Variants in LRFN5 observed in about 807,000 individuals in gnomAD.
LRFN5 encodes leucine rich repeat and fibronectin type III domain containing 5, also known as leucine-rich repeat and fibronectin type-III domain-containing protein 5.
A neutral mutation model predicts 45.6 loss-of-function variants in LRFN5; 24 were observed. The ratio of observed to expected loss-of-function variants is 0.53; its 90% confidence interval spans 0.38 to 0.74. LRFN5 has a LOEUF of 0.74. LRFN5 is among the 30% of genes least tolerant of loss of function. The pLI, the probability that LRFN5 is intolerant of heterozygous loss-of-function variation, is 0.00. For synonymous variants in LRFN5, 340 were observed against 313.8 expected, an observed-to-expected ratio of 1.08 and a Z score of -0.88; for missense variants, 776 against 861.5, an observed-to-expected ratio of 0.90 and a Z score of 1.24.
At chr14:41,856,672 A>ATTTTTTTTTT (rs1889465921) in intron 2 of LRFN5, among the ~76,000 whole-genome samples, 4 of 5,976 alleles carry the variant, frequency 6.7e-4, no homozygotes, top group Admixed American at 2.6e-3. Context: ...TATTATTATT[A>ATTTTTTTTTT]TTATTTTTTT....
chr14:41,692,566 T>C (rs1225415096), intron 1 of LRFN5, among the ~76,000 whole-genome samples: 1 of 152,096 alleles, frequency 6.6e-6, no homozygotes, highest in East Asian at 1.9e-4. Flanking sequence ...CCCTCCTAAC[T>C]TCCCCCACAC....
At chr14:41,612,227 A>G (rs1396317046) in intron 1 of LRFN5, among the ~76,000 whole-genome samples, 2 of 152,120 alleles carry the variant, frequency 1.3e-5, no homozygotes, top group African/African-American at 4.8e-5. Flanking sequence ...TTCTGCCTCT[A>G]CATGAAACTA....
chr14:41,894,871 A>G, intron 4 of LRFN5: 1 of 982,958 alleles, frequency 1.0e-6, no homozygotes, highest in Non-Finnish European at 1.2e-6. Flanking sequence ...GCTTTCTGTC[A>G]TTTATTATTT....
chr14:41,856,707 C>A (rs1288484081), intron 2 of LRFN5, among the ~76,000 whole-genome samples: 1 of 12,324 alleles, frequency 8.1e-5, no homozygotes, highest in Non-Finnish European at 2.2e-4. Context: ...GACGGAGTCT[C>A]GTTCTGTCGC....
chr14:41,896,199 A>G (rs918770836), intron 4 of LRFN5, among the ~76,000 whole-genome samples: 1 of 152,224 alleles, frequency 6.6e-6, no homozygotes, highest in Admixed American at 6.5e-5. Flanking sequence ...CCATAAATAT[A>G]AAGTATCATC....
At chr14:41,758,025 GC>G (rs950851254) in intron 1 of LRFN5, among the ~76,000 whole-genome samples, 16 of 152,188 alleles carry the variant, frequency 1.1e-4, no homozygotes, top group African/African-American at 3.6e-4. Context: ...TAAAAGTAGA[GC>G]CCCCATGCAA....
intron 2 of LRFN5, among the ~76,000 whole-genome samples, chr14:41,840,522 T>C (rs1170862494): frequency 1.3e-5 from 2 of 152,102 alleles, no homozygotes; most frequent in Admixed American, 1.3e-4. Context: ...AAGTAGAATG[T>C]AAAATGTTTT....
chr14:41,869,970 A>G (rs148763124), intron 2 of LRFN5, among the ~76,000 whole-genome samples: 10 of 152,228 alleles, frequency 6.6e-5, no homozygotes, highest in Admixed American at 5.9e-4. Context: ...TAATCTAAAT[A>G]TTTTTTATTA....
intron 1 of LRFN5, among the ~76,000 whole-genome samples, chr14:41,751,482 T>C (rs2138843860): frequency 6.6e-6 from 1 of 152,202 alleles, no homozygotes; most frequent in African/African-American, 2.4e-5. Context: ...GACTTCTAGA[T>C]ATGTTCAAGG....
intron 2 of LRFN5, among the ~76,000 whole-genome samples, chr14:41,787,165 G>T (rs1047813284): frequency 6.6e-6 from 1 of 151,904 alleles, no homozygotes; most frequent in Non-Finnish European, 1.5e-5. Flanking sequence ...TCTTGCTTCT[G>T]TTCCTTCCTA....
chr14:41,732,593 TAAAC>T (rs912668246), intron 1 of LRFN5, among the ~76,000 whole-genome samples: 1 of 151,516 alleles, frequency 6.6e-6, no homozygotes, highest in Non-Finnish European at 1.5e-5. Flanking sequence ...AAACGAAACA[TAAAC>T]AAAAAATGAA....
At chr14:41,638,939 G>A (rs935988068) in intron 1 of LRFN5, among the ~76,000 whole-genome samples, 2 of 151,844 alleles carry the variant, frequency 1.3e-5, no homozygotes, top group African/African-American at 4.8e-5. Flanking sequence ...CATAACTTTG[G>A]CATCTGCTAG....
intron 1 of LRFN5, among the ~76,000 whole-genome samples, chr14:41,757,817 A>C (rs1356381455): frequency 6.6e-6 from 1 of 152,130 alleles, no homozygotes; most frequent in African/African-American, 2.4e-5. Flanking sequence ...CCTCAGTTGG[A>C]AATGCAGAAA....
chr14:41,756,550 G>A (rs967946755), intron 1 of LRFN5, among the ~76,000 whole-genome samples: 9 of 151,886 alleles, frequency 5.9e-5, no homozygotes, highest in East Asian at 3.9e-4. Flanking sequence ...TGATCGAATC[G>A]GCTACTGAGG....
intron 2 of LRFN5, among the ~76,000 whole-genome samples, chr14:41,820,273 T>G (rs1030512702): frequency 2.6e-5 from 4 of 152,054 alleles, no homozygotes; most frequent in African/African-American, 4.8e-5. Context: ...ATTTAATCTA[T>G]CTTGAATTAA....
chr14:41,665,425 C>T (rs943171833), intron 1 of LRFN5, among the ~76,000 whole-genome samples: 6 of 152,042 alleles, frequency 3.9e-5, no homozygotes, highest in Admixed American at 6.6e-5. Context: ...TGACTACCCT[C>T]CATCCAGTGC....
At chr14:41,807,834 G>C (rs1175705654) in intron 2 of LRFN5, among the ~76,000 whole-genome samples, 1 of 151,958 alleles carries the variant, frequency 6.6e-6, no homozygotes. Flanking sequence ...TTGGCCTCCT[G>C]TACTGGGTAA....
At chr14:41,693,778 A>G (rs1882481368) in intron 1 of LRFN5, among the ~76,000 whole-genome samples, 1 of 151,816 alleles carries the variant, frequency 6.6e-6, no homozygotes, top group Non-Finnish European at 1.5e-5. Flanking sequence ...TTGCTTCATT[A>G]TTCTTGCTTA....
chr14:41,872,582 A>G (rs1890054357), intron 2 of LRFN5, among the ~76,000 whole-genome samples: 1 of 152,206 alleles, frequency 6.6e-6, no homozygotes, highest in South Asian at 2.1e-4. Context: ...CTCATCTTCA[A>G]GATTACCTTA....
Sources: allele counts gnomAD v4.1 joint callset (sites outside exome capture counted in the v4.1 genomes callset), GRCh38; gene constraint gnomAD v4.1.1; transcripts MANE v1.5; gene names NCBI Gene and HGNC (gene_info 2026-07-23, HGNC 2026-07-21).